Variants in TYMS observed in about 807,000 individuals in gnomAD.
TYMS encodes thymidylate synthetase.
TYMS carries 21 observed loss-of-function variants against 39.3 expected under a neutral mutation model. The observed-to-expected ratio is 0.54, with a 90% CI of 0.38 to 0.77. The LOEUF (loss-of-function observed/expected upper bound fraction) is 0.77, where lower values mean the gene tolerates loss of function less well. Ranked by LOEUF, TYMS falls within the 30% of genes least tolerant of loss-of-function variation. The probability of loss-of-function intolerance (pLI) is 0.00; values close to 1 mark genes in which losing one functional copy is unlikely to be tolerated. For synonymous variants in TYMS, 171 were observed against 162.2 expected (o/e 1.05, Z -0.41); for missense variants, 273 against 406.7 (o/e 0.67, Z 2.83).
intron 5 of TYMS, 113 bp downstream of exon 5, chr18:670,980 T>C: frequency 7.8e-7 from 1 of 1,284,202 alleles, no homozygotes; most frequent in Admixed American, 2.6e-5. Context: ...TTAAATTTGA[T>C]ATGTGTAAGT....
chr18:662,350 C>T (rs760008710), intron 3 of TYMS, 30 bp downstream of exon 3: 2 of 1,569,244 alleles, frequency 1.3e-6, no homozygotes, highest in Non-Finnish European at 1.7e-6. Context: ...CCTTCCATTT[C>T]CCGGGTGCCC....
chr18:669,822 T>G (rs2074951764), intron 4 of TYMS, among the ~76,000 whole-genome samples: 1 of 150,956 alleles, frequency 6.6e-6, no homozygotes, highest in Non-Finnish European at 1.5e-5. Flanking sequence ...TAGAGCCAGG[T>G]GTGGTGGCTC....
At chr18:662,504 C>CTT (rs11411741) in intron 3 of TYMS, among the ~76,000 whole-genome samples, 184 bp downstream of exon 3, 40,548 of 134,050 alleles carry the variant, frequency 0.3, 6,352 homozygotes, top group East Asian at 0.42. Context: ...GTTTCACACT[C>CTT]TTTTTTTTTT....
At position 673,055 on chromosome 18, in the gene TYMS, C is replaced by T. The variant is rs1206870099; in HGVS notation, c.*58C>T. ...AGTCTTTAGGGGTTGGGCTGGATGC[C>T]GAGGTAAAAGTTCTTTTTGCTCTAA... On this transcript the variant is annotated 3_prime_UTR_variant, in exon 7 of 7. Coordinates refer to ENST00000323274, the MANE Select transcript of TYMS (RefSeq NM_001071.4). 3.5e-5 allele frequency: 50 copies of T among 1,435,920 alleles called. No individual in the cohort carries two copies. The highest frequency in any genetic ancestry group is 1.0e-4 in the South Asian group (6 of 57,334). The allele number at this position is 1,435,920 out of a possible 1,614,324, so 88.9% of individuals were successfully genotyped here.
intron 3 of TYMS, among the ~76,000 whole-genome samples, chr18:664,683 A>T (rs1422708597): frequency 6.7e-6 from 1 of 149,290 alleles, no homozygotes; most frequent in African/African-American, 2.5e-5. Context: ...TTATTTTGAA[A>T]TATGTCCCAT....
chr18:667,617 G>GGAGAA (rs201838394), intron 3 of TYMS: 1 of 46,618 alleles, frequency 2.1e-5, no homozygotes, highest in Non-Finnish European at 4.3e-5. Flanking sequence ...TGATGGAGAT[G>GGAGAA]GGTGATGGTG....
chr18:666,963 A>T (rs62090123), intron 3 of TYMS, among the ~76,000 whole-genome samples: 5,089 of 14,434 alleles, frequency 0.35, 587 homozygotes, highest in Admixed American at 0.37. Context: ...ATGGAGATGG[A>T]GATGGTGATG....
At chr18:667,856 C>G (rs957387132) in intron 3 of TYMS, 9 of 151,956 alleles carry the variant, frequency 5.9e-5, no homozygotes, top group Non-Finnish European at 1.0e-4. Flanking sequence ...GCCTAGTATT[C>G]AATTATTTCT....
At position 658,403 on chromosome 18, in the gene TYMS, G is replaced by A; in HGVS notation, c.205+456G>A. On this transcript the variant is annotated intron_variant, in intron 1 of 6. Transcript: ENST00000323274. This position sits in a 1 kb window ranked among gnomAD's most constrained non-coding sequence, Gnocchi z 4.5. ...CAAAAACTGGAGCGAAAGTGATGTG[G>A]GCGGGGCAAAGGCGGCGGGAAGAGG... The A allele has an allele frequency of 3.3e-6, 4 of 1,221,032 alleles. No homozygotes were observed. Among genetic ancestry groups the A allele is most frequent in the Non-Finnish European group, 4.3e-6 (4 of 940,602 alleles). 75.6% of individuals were successfully genotyped at this position (1,221,032 alleles called of 1,614,324 possible).
chr18:667,700 T>C (rs768907622), intron 3 of TYMS: 4 of 152,206 alleles, frequency 2.6e-5, no homozygotes, highest in Admixed American at 6.5e-5. Context: ...TAATATTATG[T>C]GTACTTTATC....
chr18:659,615 A>C (rs781530896), intron 1 of TYMS, 26 bp from the exon 2 acceptor site: 86 of 1,606,274 alleles, frequency 5.4e-5, no homozygotes, highest in Non-Finnish European at 6.7e-5. Context: ...TCCCATCTTG[A>C]AACCGTATGG....
intron 1 of TYMS, 50 bp downstream of exon 1, chr18:657,997 G>C (rs750633928): frequency 1.3e-6 from 2 of 1,518,690 alleles, no homozygotes; most frequent in Middle Eastern, 1.7e-4. Context: ...AGGGAGGCGC[G>C]GCTGGGGAGA....
chr18:667,244 GT>G (rs1274853372), intron 3 of TYMS, among the ~76,000 whole-genome samples: 2 of 27,566 alleles, frequency 7.3e-5, no homozygotes, highest in African/African-American at 2.7e-4. Context: ...GATGGAGATG[GT>G]GATGGTGATG....
chr18:660,791 G>T lies in TYMS; in HGVS notation c.279+1077G>T, dbSNP rs754849436. ...TCTGACCAGTGCTTTTTGGAAGGTG[G>T]CTGAGGTCTGGGCTCAGGTCTGGGC... On this transcript the variant is annotated intron_variant, in intron 2 of 6. Transcript: ENST00000323274. This position sits in a 1 kb window ranked among gnomAD's most constrained non-coding sequence, Gnocchi z 4.6. Among the ~76,000 whole-genome samples, 3 of 152,140 alleles carry T rather than the reference G, an allele frequency of 2.0e-5. No homozygotes were observed. Among genetic ancestry groups the T allele is most frequent in the Non-Finnish European group, 2.9e-5 (2 of 68,032 alleles).
intron 5 of TYMS, 119 bp from the exon 6 acceptor site, chr18:671,261 T>C: frequency 1.3e-6 from 1 of 762,088 alleles, no homozygotes; most frequent in East Asian, 2.5e-5. Flanking sequence ...ATGGAAAAGC[T>C]ACACTAAATT....
intron 5 of TYMS, 49 bp downstream of exon 5, chr18:670,916 T>G (rs767873698): frequency 6.9e-6 from 11 of 1,587,562 alleles, no homozygotes; most frequent in Non-Finnish European, 9.4e-6. Flanking sequence ...CACTGAGCTC[T>G]TCAGTTCTTT....
In TYMS at chr18:658,304, G is replaced by A; in HGVS notation, c.205+357G>A. The A allele has an allele frequency of 7.2e-7, 1 of 1,390,064 alleles. No individual in the cohort carries two copies. Among genetic ancestry groups the A allele is most frequent in the Non-Finnish European group, 9.6e-7 (1 of 1,045,156 alleles). The allele number at this position is 1,390,064 out of a possible 1,614,324, so 86.1% of individuals were successfully genotyped here. A position where few individuals can be genotyped will look rare whatever the true frequency, so the allele number is the denominator to read the frequency against. On this transcript the variant is annotated intron_variant, in intron 1 of 6. Coordinates refer to ENST00000323274, the MANE Select transcript of TYMS (RefSeq NM_001071.4). This position sits in a 1 kb window ranked among gnomAD's most constrained non-coding sequence, Gnocchi z 4.5. Reference sequence around the variant, plus strand: ...GGGAGAGCTGCCTGGGCTTGACCGCGCGCCGGTCTCAAAGTCCTGGCTTTG... The same window carrying A: ...GGGAGAGCTGCCTGGGCTTGACCGCACGCCGGTCTCAAAGTCCTGGCTTTG...
Position 658,030 on chromosome 18 carries a change from T to C in TYMS, c.205+83T>C, listed in dbSNP as rs773500709. The C allele has an allele frequency of 3.2e-6, 5 of 1,538,656 alleles. No individual in the cohort carries two copies. Among genetic ancestry groups the C allele is most frequent in the Non-Finnish European group, 4.4e-6 (5 of 1,144,068 alleles). ...AGAGCGCTCGGGAGCTGCCGGGCGC[T>C]GCGGACCCCGTTTAGTCCTAACCTC... On this transcript the variant is annotated intron_variant, in intron 1 of 6. Transcript: ENST00000323274. The surrounding 1 kb of genome is among the most constrained non-coding windows in gnomAD (Gnocchi z 4.5).
At chr18:667,047 TGATGGAGATGGA>T (rs1289440111) in intron 3 of TYMS, among the ~76,000 whole-genome samples, 18 of 28,094 alleles carry the variant, frequency 6.4e-4, no homozygotes, top group African/African-American at 1.5e-3. Flanking sequence ...ATGGTGATGG[TGATGGAGATGGA>T]GATGGTGATG....
Sources: allele counts gnomAD v4.1 joint callset (sites outside exome capture counted in the v4.1 genomes callset), GRCh38; gene constraint gnomAD v4.1.1; non-coding constraint Gnocchi (gnomAD v3.1); transcripts MANE v1.5; gene names NCBI Gene and HGNC (gene_info 2026-07-23, HGNC 2026-07-21).